The following C3orf49 variants were observed in gnomAD, a reference collection of about 807,000 sequenced individuals.
C3orf49 encodes chromosome 3 open reading frame 49.
A neutral mutation model predicts 13.3 loss-of-function variants in C3orf49; 27 were observed. The observed-to-expected ratio is 2.02, with a 90% CI of 1.49 to 2.79. The LOEUF is 2.79. C3orf49 is among the 30% of genes most tolerant of loss of function. The pLI is 0.00. For synonymous variants in C3orf49, 87 were observed against 47.6 expected, an observed-to-expected ratio of 1.83 and a Z score of -3.40; for missense variants, 242 against 134.2, an observed-to-expected ratio of 1.80 and a Z score of -3.97.
the C3orf49 span, among the ~76,000 whole-genome samples, chr3:63,793,479 C>A: frequency 6.6e-5 from 10 of 152,146 alleles, no homozygotes; most frequent in South Asian, 2.1e-3. Flanking sequence ...CTCTCCTTCT[C>A]TTGGAGGCAG....
chr3:63,821,663 A>G (rs1164605006), intron 1 of C3orf49, among the ~76,000 whole-genome samples: 1 of 152,178 alleles, frequency 6.6e-6, no homozygotes, highest in Non-Finnish European at 1.5e-5. Flanking sequence ...ATGAATGCCC[A>G]AAGAATTATG....
the C3orf49 span, among the ~76,000 whole-genome samples, chr3:63,813,598 T>C: frequency 2.6e-5 from 4 of 152,250 alleles, no homozygotes; most frequent in African/African-American, 9.6e-5. Context: ...TGTTGGCTCT[T>C]CGAAGACACT....
chr3:63,780,830 G>A, the C3orf49 span, among the ~76,000 whole-genome samples: 1 of 152,180 alleles, frequency 6.6e-6, no homozygotes, highest in Non-Finnish European at 1.5e-5. Flanking sequence ...ACTTGTTGAT[G>A]GAGTTGTTTG....
chr3:63,812,093 G>A, the C3orf49 span, among the ~76,000 whole-genome samples: 1 of 152,048 alleles, frequency 6.6e-6, no homozygotes, highest in Non-Finnish European at 1.5e-5. Context: ...TGTGGGCTGA[G>A]TTGCCAGGGA....
At chr3:63,805,776 T>A in the C3orf49 span, among the ~76,000 whole-genome samples, 1 of 152,082 alleles carries the variant, frequency 6.6e-6, no homozygotes, top group Admixed American at 6.6e-5. Flanking sequence ...AAACAAACCA[T>A]CCTCTGCTTC....
At chr3:63,837,843 A>C in intron 5 of C3orf49, 1 of 638,390 alleles carries the variant, frequency 1.6e-6, no homozygotes, top group Non-Finnish European at 2.6e-6. Context: ...TATAGTTTTA[A>C]GGAATTAAAA....
intron 5 of C3orf49, among the ~76,000 whole-genome samples, chr3:63,834,985 C>A (rs1042810556): frequency 1.6e-4 from 25 of 152,102 alleles, no homozygotes; most frequent in Admixed American, 1.4e-3. Flanking sequence ...TAAGACTTTT[C>A]TACATGTATT....
intron 3 of C3orf49, among the ~76,000 whole-genome samples, chr3:63,828,719 G>A (rs1233399443): frequency 6.6e-6 from 1 of 152,074 alleles, no homozygotes; most frequent in Non-Finnish European, 1.5e-5. Flanking sequence ...AACTCTAAGT[G>A]CTTTAAAAAT....
At chr3:63,794,402 C>T in the C3orf49 span, among the ~76,000 whole-genome samples, 1 of 151,964 alleles carries the variant, frequency 6.6e-6, no homozygotes, top group Non-Finnish European at 1.5e-5. Flanking sequence ...ATTGGATTAT[C>T]CCTATCCACA....
intron 5 of C3orf49, among the ~76,000 whole-genome samples, chr3:63,843,696 C>G (rs1238793681): frequency 1.3e-5 from 2 of 151,972 alleles, no homozygotes; most frequent in Admixed American, 1.3e-4. Context: ...GTCAGGAGAT[C>G]GAGACCATCC....
At position 63,827,726 on chromosome 3, in the gene C3orf49, G is replaced by A. The variant is rs1701483597; in HGVS notation, c.570+1G>A. ...ATCTCTTCCTTCAGGACTGCAAAAGGTAAAACGCTAAATGAATTTGCCTCT... is the reference window on the plus strand; with the variant it reads ...ATCTCTTCCTTCAGGACTGCAAAAGATAAAACGCTAAATGAATTTGCCTCT... On this transcript the variant is annotated splice_donor_variant, in intron 3 of 6. Coordinates refer to ENST00000295896, the MANE Select transcript of C3orf49 (RefSeq NM_001355236.2). LOFTEE classifies it high-confidence loss of function. 2 of 701,692 alleles carry A rather than the reference G, an allele frequency of 2.9e-6. No homozygotes were observed. Among genetic ancestry groups the A allele is most frequent in the Middle Eastern group, 2.3e-4 (1 of 4,358 alleles). The allele number at this position is 701,692 out of a possible 1,614,324, so 43.5% of individuals were successfully genotyped here. A position where few individuals can be genotyped will look rare whatever the true frequency, so the allele number is the denominator to read the frequency against.
intron 1 of C3orf49, among the ~76,000 whole-genome samples, chr3:63,820,439 C>T (rs2107092789): frequency 6.6e-6 from 1 of 152,212 alleles, no homozygotes; most frequent in South Asian, 2.1e-4. Flanking sequence ...GCAGTGTGTT[C>T]CTAGGCTCTG....
chr3:63,803,550 T>C, the C3orf49 span, among the ~76,000 whole-genome samples: 1 of 152,188 alleles, frequency 6.6e-6, no homozygotes, highest in Admixed American at 6.5e-5. Flanking sequence ...AAGGACTTTA[T>C]TACTCCGGCA....
intron 5 of C3orf49, chr3:63,836,188 CT>C: frequency 2.1e-6 from 2 of 933,336 alleles, no homozygotes; most frequent in Non-Finnish European, 3.2e-6. Flanking sequence ...TATTGAATAT[CT>C]GACCCCTCCT....
intron 5 of C3orf49, chr3:63,832,929 T>C (rs1701552710): frequency 1.3e-5 from 2 of 152,146 alleles, no homozygotes; most frequent in Non-Finnish European, 2.9e-5. Context: ...AAATGTAACA[T>C]CATTAAGGTA....
chr3:63,781,673 A>G, the C3orf49 span, among the ~76,000 whole-genome samples: 1 of 152,186 alleles, frequency 6.6e-6, no homozygotes, highest in Non-Finnish European at 1.5e-5. Flanking sequence ...AGATTGTGAG[A>G]GAGGCATTTG....
At chr3:63,787,806 A>C in the C3orf49 span, among the ~76,000 whole-genome samples, 2 of 152,216 alleles carry the variant, frequency 1.3e-5, no homozygotes, top group Admixed American at 1.3e-4. Context: ...TTTGAGCCAC[A>C]AAATAACAAT....
chr3:63,781,351 C>G, the C3orf49 span, among the ~76,000 whole-genome samples: 1 of 151,906 alleles, frequency 6.6e-6, no homozygotes, highest in African/African-American at 2.4e-5. Context: ...TGATCTATAT[C>G]TCTGTTTTGG....
chr3:63,836,289 C>T, intron 5 of C3orf49: 1 of 1,610,650 alleles, frequency 6.2e-7, no homozygotes, highest in Middle Eastern at 1.7e-4. Context: ...CAAAGTAAAG[C>T]TCTACACTTA....
Sources: allele counts gnomAD v4.1 joint callset (sites outside exome capture counted in the v4.1 genomes callset), GRCh38; gene constraint gnomAD v4.1.1; transcripts MANE v1.5; gene names NCBI Gene and HGNC (gene_info 2026-07-23, HGNC 2026-07-21).